Variants in GIN1 observed in about 807,000 individuals in gnomAD.
The protein encoded by GIN1 is gypsy retrotransposon integrase-like protein 1.
GIN1 carries 41 observed loss-of-function variants against 51.4 expected under a neutral mutation model. The observed-to-expected ratio is 0.80, with a 90% CI of 0.62 to 1.04. The LOEUF is 1.04. Among genes scored for constraint, GIN1 ranks in the 50% least tolerant of loss-of-function variants. The probability of loss-of-function intolerance (pLI) is 0.00; values close to 1 mark genes in which losing one functional copy is unlikely to be tolerated. For synonymous variants in GIN1, 222 were observed against 206.5 expected (o/e 1.07, Z -0.64); for missense variants, 610 against 612.4 (o/e 1.00, Z 0.04).
At chr5:103,114,920 A>G (rs1043915689) in intron 1 of GIN1, among the ~76,000 whole-genome samples, 1 of 152,176 alleles carries the variant, frequency 6.6e-6, no homozygotes, top group Non-Finnish European at 1.5e-5. Flanking sequence ...ACCATAATGT[A>G]GCTAGTGGTT....
At chr5:103,112,634 C>A (rs955934138) in intron 1 of GIN1, among the ~76,000 whole-genome samples, 1 of 152,120 alleles carries the variant, frequency 6.6e-6, no homozygotes, top group Non-Finnish European at 1.5e-5. Context: ...CCTGATTAAG[C>A]CTTACCCATC....
chr5:103,109,256 G>C (rs1037167207), intron 1 of GIN1, among the ~76,000 whole-genome samples: 1 of 152,018 alleles, frequency 6.6e-6, no homozygotes, highest in South Asian at 2.1e-4. Context: ...TCTGTCTATA[G>C]AAAGGAGCTC....
intron 4 of GIN1, 143 bp downstream of exon 4, chr5:103,104,398 A>T (rs1428751953): frequency 3.7e-6 from 2 of 546,626 alleles, no homozygotes; most frequent in Non-Finnish European, 6.5e-6. Context: ...CTATCCTTGT[A>T]GTATTTAATA....
At chr5:103,090,488 T>C (rs1365756153) in intron 7 of GIN1, among the ~76,000 whole-genome samples, 1 of 152,188 alleles carries the variant, frequency 6.6e-6, no homozygotes, top group Non-Finnish European at 1.5e-5. Context: ...AAAGGTTAGA[T>C]AGGGTAAACA....
chr5:103,104,526 GTTTA>G lies in GIN1; in HGVS notation c.639+11_639+14del. On this transcript the variant is annotated intron_variant, in intron 4 of 7. Coordinates refer to ENST00000399004, the MANE Select transcript of GIN1 (RefSeq NM_017676.2). ...TAAGATATGCTCCCAGACCTAAGTAGTTTATTTGTCTTACCTGTTGAATGAATTC... is the reference window on the plus strand; with the variant it reads ...TAAGATATGCTCCCAGACCTAAGTAGTTTGTCTTACCTGTTGAATGAATTC... 7.4e-7 allele frequency: 1 copy of G among 1,349,174 alleles called. No homozygotes were observed. The highest frequency in any genetic ancestry group is 1.0e-6 in the Non-Finnish European group (1 of 955,564). The allele number at this position is 1,349,174 out of a possible 1,614,324, so 83.6% of individuals were successfully genotyped here.
At chr5:103,116,931 G>GGA (rs1197290354) in intron 1 of GIN1, among the ~76,000 whole-genome samples, 22 of 151,936 alleles carry the variant, frequency 1.4e-4, no homozygotes, top group Admixed American at 6.6e-5. Context: ...GTACTACCAA[G>GGA]GATGCTCTTA....
chr5:103,100,594 T>C (rs1787545315), intron 4 of GIN1, among the ~76,000 whole-genome samples: 1 of 151,390 alleles, frequency 6.6e-6, no homozygotes, highest in South Asian at 2.1e-4. Context: ...AGACGGAGTC[T>C]TGTTGTATTG....
intron 1 of GIN1, among the ~76,000 whole-genome samples, chr5:103,114,252 A>G (rs1458560466): frequency 6.6e-6 from 1 of 152,242 alleles, no homozygotes; most frequent in East Asian, 1.9e-4. Flanking sequence ...GTGCACCAAT[A>G]TGGAATAGAG....
intron 3 of GIN1, among the ~76,000 whole-genome samples, chr5:103,106,236 T>G (rs1554196251): frequency 1.3e-5 from 2 of 152,180 alleles, no homozygotes; most frequent in Non-Finnish European, 2.9e-5. Flanking sequence ...TATTTCATTA[T>G]CCTCAAAATT....
chr5:103,102,146 T>C (rs1453345380), intron 4 of GIN1: 1 of 152,212 alleles, frequency 6.6e-6, no homozygotes, highest in African/African-American at 2.4e-5. Flanking sequence ...TTTTTTTCTG[T>C]TTCTACTTTA....
chr5:103,100,112 ATTTTTTT>A (rs782290428), intron 4 of GIN1, among the ~76,000 whole-genome samples: 2 of 144,990 alleles, frequency 1.4e-5, no homozygotes, highest in Non-Finnish European at 3.0e-5. Context: ...TTTATTTTTT[ATTTTTTT>A]TTTTTGAGAC....
At chr5:103,100,412 G>A (rs1393161525) in intron 4 of GIN1, among the ~76,000 whole-genome samples, 2 of 151,062 alleles carry the variant, frequency 1.3e-5, no homozygotes, top group African/African-American at 4.9e-5. Context: ...TTATTTTTTT[G>A]AGACAGGGTC....
At chr5:103,111,374 C>T (rs1400819229) in intron 1 of GIN1, among the ~76,000 whole-genome samples, 1 of 152,112 alleles carries the variant, frequency 6.6e-6, no homozygotes, top group Non-Finnish European at 1.5e-5. Flanking sequence ...TTATAGTTTT[C>T]CCTTAATAGT....
intron 7 of GIN1, among the ~76,000 whole-genome samples, chr5:103,092,174 GCC>G (rs1291498561): frequency 4.6e-5 from 7 of 152,140 alleles, no homozygotes; most frequent in African/African-American, 1.7e-4. Flanking sequence ...GTATCACCAT[GCC>G]CGGCTAATTT....
In GIN1 at chr5:103,109,106, T is replaced by G. The variant is rs541403136; in HGVS notation, c.-7-392A>C. The stretch of plus-strand genomic sequence containing the variant: ...GTCATGTGACATTTAAATAAATAAG[T>G]TATAAGAGAAGAAATATAGCTTTAT... On this transcript the variant is annotated intron_variant, in intron 1 of 7. Coordinates refer to ENST00000399004, the MANE Select transcript of GIN1 (RefSeq NM_017676.2). 1.6e-4 allele frequency among the ~76,000 whole-genome samples: 25 copies of G among 152,168 alleles called. No individual in the cohort carries two copies. In the South Asian group the frequency reaches 1.7e-3, roughly 10 times the overall value.
Position 103,094,908 on chromosome 5 carries a change from CAAGAT to C in GIN1, c.1294+1628_1294+1632del, listed in dbSNP as rs1285195198. 2.0e-5 allele frequency among the ~76,000 whole-genome samples: 3 copies of C among 152,154 alleles called. No homozygotes were observed. The South Asian group carries it at 6.2e-4, about 32-fold the overall frequency. On this transcript the variant is annotated intron_variant, in intron 7 of 7. Transcript: ENST00000399004. The stretch of plus-strand genomic sequence containing the variant: ...GAGTTTTCAGGATTAGAATGTAGTT[CAAGAT>C]AAGTTTACTGACTAAACAACTCGGT...
intron 4 of GIN1, among the ~76,000 whole-genome samples, chr5:103,100,178 G>A (rs1554195621): frequency 6.6e-6 from 1 of 150,726 alleles, no homozygotes; most frequent in Non-Finnish European, 1.5e-5. Context: ...TTGGCTCACT[G>A]CAATCTCAAC....
chr5:103,092,668 C>T (rs58743285), intron 7 of GIN1, among the ~76,000 whole-genome samples: 2,042 of 140,972 alleles, frequency 0.014, 48 homozygotes, highest in African/African-American at 0.05. Context: ...TATAACTGGA[C>T]GGGCACAATG....
intron 2 of GIN1, among the ~76,000 whole-genome samples, chr5:103,107,578 A>T (rs1208217163): frequency 6.6e-6 from 1 of 152,108 alleles, no homozygotes; most frequent in African/African-American, 2.4e-5. Flanking sequence ...TACTAATATG[A>T]GTAAGCCAAC....
Sources: gnomAD v4.1 joint callset for allele counts (sites outside exome capture counted in the v4.1 genomes callset) on GRCh38, gnomAD v4.1.1 for gene constraint, MANE v1.5 for transcripts, NCBI Gene and HGNC (gene_info 2026-07-23, HGNC 2026-07-21) for gene names.